A2M: variants seen among roughly 807,000 people sequenced by gnomAD.
A2M encodes the protein alpha-2-macroglobulin.
Under a neutral mutation model 183.9 loss-of-function variants are expected in A2M, and 128 were observed. The observed-to-expected ratio is 0.70, with a 90% CI of 0.60 to 0.81. The LOEUF (loss-of-function observed/expected upper bound fraction) is 0.81. A2M is among the 30% of genes least tolerant of loss of function. The pLI, the probability that A2M is intolerant of heterozygous loss-of-function variation, is 0.00. For synonymous variants in A2M, 592 were observed against 670.8 expected (o/e 0.88, Z 1.81); for missense variants, 1,495 against 1,787.6 (o/e 0.84, Z 2.95).
chr12:9,097,459 G>C (rs746617754), intron 15 of A2M, among the ~76,000 whole-genome samples: 2 of 152,048 alleles, frequency 1.3e-5, no homozygotes, highest in Non-Finnish European at 2.9e-5. Context: ...TTCCAATTCA[G>C]CATATCCTTT....
chr12:9,108,318 G>A (rs745601621), intron 7 of A2M, among the ~76,000 whole-genome samples: 139 of 152,094 alleles, frequency 9.1e-4, no homozygotes, highest in African/African-American at 3.2e-3. Flanking sequence ...AGTAGAGACG[G>A]GGTTTCACCA....
chr12:9,087,010 G>A (rs191382829), intron 22 of A2M, among the ~76,000 whole-genome samples: 1 of 151,840 alleles, frequency 6.6e-6, no homozygotes, highest in African/African-American at 2.4e-5. Context: ...GATTGAGAAA[G>A]AAATAAAAAC....
Position 9,072,750 on chromosome 12 carries a change from T to C in A2M, c.3878A>G (p.Asp1293Gly), listed in dbSNP as rs758623400. 4 of 1,614,084 alleles carry C rather than the reference T, an allele frequency of 2.5e-6. No homozygotes were observed. The South Asian group carries it at 4.4e-5, about 18-fold the overall frequency. The stretch of plus-strand genomic sequence containing the variant: ...CTGCAGTAACAGGCGGTTGTTGTTG[T>C]CCACTTGGAATTTGCTGGAAAATGT... ...SGTFSSKFQV[D>G]NNNRLLLQQV... Residue 1293 changes from aspartate (D) to glycine (G), a missense_variant, in exon 30 of 36, where the codon GAC becomes GGC. By Grantham distance (94) the Asp-to-Gly change is moderately conservative. Transcript: ENST00000318602.
intron 32 of A2M, among the ~76,000 whole-genome samples, chr12:9,070,266 A>G (rs1267154260): frequency 2.0e-5 from 3 of 152,198 alleles, no homozygotes; most frequent in Admixed American, 6.5e-5. Flanking sequence ...AAAAGCAGGA[A>G]CCTGCTGACA....
rs1939081648 is a variant in A2M at position 9,115,868 on chromosome 12, TGGA to T, written c.-22_-20del. The stretch of plus-strand genomic sequence containing the variant: ...TCCCCATGTTGCAGAAAGAAGGAGC[TGGA>T]GGAGAACAGACTGTATTGTACCCTA... On this transcript the variant is annotated 5_prime_UTR_variant, in exon 1 of 36. Coordinates refer to ENST00000318602, the MANE Select transcript of A2M (RefSeq NM_000014.6). The T allele has an allele frequency of 1.2e-6, 2 of 1,602,082 alleles. No individual in the cohort carries two copies. The highest frequency in any genetic ancestry group is 1.7e-6 in the Non-Finnish European group (2 of 1,169,546).
At chr12:9,077,442 C>T (rs2377682) in intron 26 of A2M, 22 bp from the exon 27 acceptor site, 541,540 of 1,598,340 alleles carry the variant, frequency 0.34, 96,063 homozygotes, top group African/African-American at 0.49. Context: ...AGAGAGAGAT[C>T]TGAATAATTC....
chr12:9,112,927 T>C (rs1306918913), intron 2 of A2M, among the ~76,000 whole-genome samples: 2 of 152,178 alleles, frequency 1.3e-5, no homozygotes, highest in East Asian at 3.8e-4. Flanking sequence ...ATCTCACATG[T>C]GGACAACTCT....
rs752422412 is a variant in A2M, at chr12:9,101,568, A to G, written c.1373T>C (p.Phe458Ser). Residue 458 changes from phenylalanine to serine, a missense_variant, in exon 12 of 36, where the codon TTT (phenylalanine) becomes TCT (serine). Coordinates refer to ENST00000318602, the MANE Select transcript of A2M (RefSeq NM_000014.6). The stretch of plus-strand genomic sequence containing the variant: ...ATGAGACATGGGCTCAAGGTGGACA[A>G]AGCTCTTGCTTGGGGAGAACACAAG... ...AYLVFSPSKS[F>S]VHLEPMSHEL... 4 of 1,613,894 alleles carry G rather than the reference A, an allele frequency of 2.5e-6. No homozygotes were observed. The Admixed American group carries it at 5.0e-5, about 20-fold the overall frequency.
At chr12:9,097,304 G>A (rs1046254089) in intron 15 of A2M, among the ~76,000 whole-genome samples, 21 of 151,956 alleles carry the variant, frequency 1.4e-4, no homozygotes, top group Non-Finnish European at 1.5e-5. Flanking sequence ...TTCTATTTCA[G>A]GAAAATAAAA....
chr12:9,074,586 C>T lies in A2M; in HGVS notation c.3730G>A (p.Ala1244Thr). 6.2e-7 allele frequency: 1 copy of T among 1,612,844 alleles called. No homozygotes were observed. Among genetic ancestry groups the T allele is most frequent in the East Asian group, 2.2e-5 (1 of 44,858 alleles). ...IVKWITKQQN[A>T]QGGFSSTQDT... ...TGGGTGGAGGAGAAACCGCCCTGGG[C>T]ATTCTGCTGCTTCGTGATCCACTTC... is the stretch of plus-strand genomic sequence containing the variant. Residue 1244 changes from alanine to threonine, a missense_variant, in exon 29 of 36, where the codon GCC becomes ACC. Physicochemically the swap from Ala to Thr is moderately conservative, Grantham distance 58. Transcript: ENST00000318602.
At chr12:9,112,037 T>C (rs1226704198) in intron 4 of A2M, 122 bp downstream of exon 4, 1 of 914,462 alleles carries the variant, frequency 1.1e-6, no homozygotes, top group South Asian at 1.3e-5. Flanking sequence ...GCTGTTGTAA[T>C]GCCAGAAGTT....
intron 18 of A2M, among the ~76,000 whole-genome samples, chr12:9,092,133 C>T (rs569578186): frequency 1.1e-3 from 171 of 152,272 alleles, no homozygotes; most frequent in Admixed American, 3.7e-3. Flanking sequence ...AGCAGGGAAA[C>T]GACAGACTTA....
At chr12:9,068,122 A>G in intron 35 of A2M, 61 bp downstream of exon 35, 1 of 1,556,400 alleles carries the variant, frequency 6.4e-7, no homozygotes, top group Non-Finnish European at 8.8e-7. Context: ...ATGAAGGAGA[A>G]GGTTTGGGGG....
chr12:9,105,019 TC>T (rs1287901497), intron 10 of A2M, among the ~76,000 whole-genome samples: 2 of 152,102 alleles, frequency 1.3e-5, no homozygotes, highest in Admixed American at 1.3e-4. Flanking sequence ...ATGACACACT[TC>T]CCATGTGAAA....
Position 9,090,368 on chromosome 12 carries a change from G to A in A2M, c.2584C>T (p.Pro862Ser), listed in dbSNP as rs759290150. Reference protein sequence around the residue: ...GRQTVSWAVTPKSLGNVNFTV... With the variant: ...GRQTVSWAVTSKSLGNVNFTV... ...GTTTTTTGCTCACCTAATGACTTTG[G>A]GGTTACTGCCCAGGACACAGTTTGC... The change falls in exon 20 of 36, where the codon CCA becomes TCA. Residue 862 changes from proline to serine, a missense_variant. By Grantham distance (74) the Pro-to-Ser change is moderately conservative. Coordinates refer to ENST00000318602, the MANE Select transcript of A2M (RefSeq NM_000014.6). 2.1e-5 allele frequency: 34 copies of A among 1,613,834 alleles called. No individual in the cohort carries two copies. Among genetic ancestry groups the A allele is most frequent in the Non-Finnish European group, 2.6e-5 (31 of 1,179,888 alleles).
At chr12:9,089,130 T>C (rs1295906052) in intron 22 of A2M, 70 bp downstream of exon 22, 2 of 1,175,294 alleles carry the variant, frequency 1.7e-6, no homozygotes, top group South Asian at 2.8e-5. Context: ...GTAGGAATAA[T>C]ATATAAATGT....
chr12:9,102,333 G>T (rs1159588010), intron 11 of A2M, among the ~76,000 whole-genome samples: 1 of 152,098 alleles, frequency 6.6e-6, no homozygotes, highest in African/African-American at 2.4e-5. Context: ...CTCCCAGTCA[G>T]CCTCCTGAGT....
rs188232727 is a variant in A2M at position 9,101,602 on chromosome 12, T to C, written c.1339A>G (p.Thr447Ala). ...VSEEHEEAHH[T>A]AYLVFSPSKS... The stretch of plus-strand genomic sequence containing the variant: ...CTTGGGGAGAACACAAGATAAGCAG[T>C]GTGATGTGCCTCTTCGTGTTCTTCT... The change falls in exon 12 of 36, where the codon ACT becomes GCT. Residue 447 changes from threonine (T) to alanine (A), a missense_variant. Coordinates refer to ENST00000318602, the MANE Select transcript of A2M (RefSeq NM_000014.6). 17 of 1,614,022 alleles carry C rather than the reference T, an allele frequency of 1.1e-5. No homozygotes were observed. Among genetic ancestry groups the C allele is most frequent in the East Asian group, 4.5e-5 (2 of 44,886 alleles).
chr12:9,112,030 G>A (rs1565605271), intron 4 of A2M, 129 bp downstream of exon 4: 1 of 888,662 alleles, frequency 1.1e-6, no homozygotes, highest in Non-Finnish European at 1.9e-6. Flanking sequence ...ATCTTGTGCT[G>A]TTGTAATGCC....
Sources: allele counts gnomAD v4.1 joint callset (sites outside exome capture counted in the v4.1 genomes callset), GRCh38; gene constraint gnomAD v4.1.1; transcripts MANE v1.5; gene names NCBI Gene and HGNC (gene_info 2026-07-23, HGNC 2026-07-21).